Variants in NNMT observed in about 807,000 individuals in gnomAD.
NNMT encodes the protein nicotinamide N-methyltransferase.
NNMT carries 10 observed loss-of-function variants against 11.7 expected under a neutral mutation model. The ratio of observed to expected loss-of-function variants is 0.85; its 90% CI spans 0.53 to 1.45. The LOEUF (loss-of-function observed/expected upper bound fraction) is 1.45, where lower values mean the gene tolerates loss of function less well. Ranked by LOEUF, NNMT falls within the 40% of genes most tolerant of loss-of-function variation. The pLI is 0.00. For missense variants in NNMT, 381 were observed against 319.4 expected (o/e 1.19, Z -1.47); for synonymous variants, 143 against 133.8 (o/e 1.07, Z -0.48).
intron 2 of NNMT, among the ~76,000 whole-genome samples, chr11:114,263,721 G>T (rs1945100830): frequency 6.6e-6 from 1 of 152,152 alleles, no homozygotes; most frequent in East Asian, 1.9e-4. Flanking sequence ...AAAGTGAAGT[G>T]CTAGCCTTAA....
At chr11:114,309,745 A>G (rs1169896860) in intron 2 of NNMT, among the ~76,000 whole-genome samples, 2 of 152,224 alleles carry the variant, frequency 1.3e-5, no homozygotes, top group Admixed American at 1.3e-4. Flanking sequence ...CATAATTCTC[A>G]AAAGAAATCC....
rs139559421 is a variant in NNMT at position 114,310,298 on chromosome 11, G to A, written c.363-1747G>A. Among the ~76,000 whole-genome samples, 17 of 152,280 alleles carry A rather than the reference G, an allele frequency of 1.1e-4. No homozygotes were observed. In the East Asian group the frequency reaches 2.3e-3, roughly 21 times the overall value. ...ATTATCTGTCTTTTTTATTATAGCCGTCATAGTGATGTGAAGTGGTATCTC... is the reference window on the plus strand; with the variant it reads ...ATTATCTGTCTTTTTTATTATAGCCATCATAGTGATGTGAAGTGGTATCTC... On this transcript the variant is annotated intron_variant, in intron 2 of 2. Coordinates refer to ENST00000299964, the MANE Select transcript of NNMT (RefSeq NM_006169.3).
chr11:114,307,095 G>A (rs1360469667), intron 2 of NNMT, among the ~76,000 whole-genome samples: 1 of 152,164 alleles, frequency 6.6e-6, no homozygotes, highest in Non-Finnish European at 1.5e-5. Flanking sequence ...TTACAAGGAT[G>A]CCTCTCTCTT....
chr11:114,274,723 A>T (rs563943434), intron 2 of NNMT, among the ~76,000 whole-genome samples: 1 of 152,228 alleles, frequency 6.6e-6, no homozygotes, highest in Non-Finnish European at 1.5e-5. Context: ...CCAGAAAGAA[A>T]CTGTCCCAGA....
upstream of NNMT, among the ~76,000 whole-genome samples, chr11:114,292,338 C>T (rs1291403084): frequency 1.3e-5 from 2 of 152,184 alleles, no homozygotes; most frequent in African/African-American, 4.8e-5. Flanking sequence ...ATCTTTTCTT[C>T]CAGCAAACAT....
chr11:114,290,284 C>T (rs929493965), intron 2 of NNMT, among the ~76,000 whole-genome samples: 1 of 152,144 alleles, frequency 6.6e-6, no homozygotes. Context: ...AATCCTCAAC[C>T]AAATATCTTC....
intron 2 of NNMT, among the ~76,000 whole-genome samples, chr11:114,283,457 G>T (rs530390687): frequency 4.1e-4 from 63 of 152,258 alleles, no homozygotes; most frequent in African/African-American, 1.5e-3. Context: ...ATAAAGAATA[G>T]ACATCAAACA....
chr11:114,270,800 T>C (rs1251572029), intron 2 of NNMT, among the ~76,000 whole-genome samples: 8 of 152,058 alleles, frequency 5.3e-5, no homozygotes, highest in African/African-American at 1.4e-4. Flanking sequence ...CTTTTTTTTT[T>C]TTCTCGCTTT....
At chr11:114,308,843 A>G (rs1945518400) in intron 2 of NNMT, among the ~76,000 whole-genome samples, 1 of 152,168 alleles carries the variant, frequency 6.6e-6, no homozygotes, top group East Asian at 1.9e-4. Flanking sequence ...GTCCAAGGAC[A>G]AGCAGGGATC....
chr11:114,267,638 A>T (rs1945131978), intron 2 of NNMT, among the ~76,000 whole-genome samples: 1 of 152,184 alleles, frequency 6.6e-6, no homozygotes, highest in Admixed American at 6.5e-5. Context: ...CATCATCCAG[A>T]TTCTGCCACA....
chr11:114,271,237 G>A (rs1008252975), intron 2 of NNMT, among the ~76,000 whole-genome samples: 2 of 152,176 alleles, frequency 1.3e-5, no homozygotes, highest in Non-Finnish European at 2.9e-5. Flanking sequence ...TGTTTTAAAA[G>A]AGAGAAAGAC....
At chr11:114,271,049 T>C (rs1945165740) in intron 2 of NNMT, among the ~76,000 whole-genome samples, 1 of 152,146 alleles carries the variant, frequency 6.6e-6, no homozygotes, top group Non-Finnish European at 1.5e-5. Context: ...AGTTCTGGGA[T>C]TACAGGCATG....
chr11:114,310,678 T>G (rs1405871828), intron 2 of NNMT, among the ~76,000 whole-genome samples: 2 of 152,306 alleles, frequency 1.3e-5, no homozygotes, highest in Non-Finnish European at 2.9e-5. Context: ...GAGTGTGTGT[T>G]TCCTGAGTGT....
At chr11:114,298,830 A>C (rs1165652029) in intron 2 of NNMT, among the ~76,000 whole-genome samples, 1 of 152,200 alleles carries the variant, frequency 6.6e-6, no homozygotes, top group East Asian at 1.9e-4. Context: ...AATTTCTTCC[A>C]ACACGAGAAA....
At chr11:114,273,989 G>T (rs1338043986) in intron 2 of NNMT, among the ~76,000 whole-genome samples, 1 of 152,174 alleles carries the variant, frequency 6.6e-6, no homozygotes, top group African/African-American at 2.4e-5. Context: ...ATTGGCAGTT[G>T]AAGTGACAAA....
At chr11:114,260,545 G>C (rs1945070073) in intron 1 of NNMT, among the ~76,000 whole-genome samples, 1 of 152,190 alleles carries the variant, frequency 6.6e-6, no homozygotes, top group Non-Finnish European at 1.5e-5. Flanking sequence ...CTGGGGAGAG[G>C]AGGCCCGCTC....
At chr11:114,308,864 G>A (rs1166239743) in intron 2 of NNMT, among the ~76,000 whole-genome samples, 1 of 152,036 alleles carries the variant, frequency 6.6e-6, no homozygotes, top group Non-Finnish European at 1.5e-5. Flanking sequence ...TATGACACTG[G>A]GTGTTTCTAG....
intron 2 of NNMT, among the ~76,000 whole-genome samples, chr11:114,290,092 C>T (rs868800368): frequency 1.3e-5 from 2 of 152,138 alleles, no homozygotes; most frequent in Admixed American, 6.5e-5. Context: ...CAAAAGACCC[C>T]ACCTCCTAAT....
Position 114,279,445 on chromosome 11 carries a change from T to G in NNMT, c.-130+16511T>G, listed in dbSNP as rs559206898. Among the ~76,000 whole-genome samples the G allele has an allele frequency of 5.2e-4, 79 of 152,222 alleles. 1 individual carries two copies. In the South Asian group the frequency reaches 0.016, roughly 30 times the overall value. ...GATGAATCTTAAAGGAGGGTGATGG[T>G]TGGAAAGGCATTCCTGCTAGAGGAA... On this transcript the variant is annotated intron_variant, in intron 2 of 4. Coordinates refer to the NNMT transcript ENST00000535401.
Sources: gnomAD v4.1 joint callset for allele counts (sites outside exome capture counted in the v4.1 genomes callset) on GRCh38, gnomAD v4.1.1 for gene constraint, MANE v1.5 for transcripts, NCBI Gene and HGNC (gene_info 2026-07-23, HGNC 2026-07-21) for gene names.